The following TMEM163 variants were observed in gnomAD, a reference collection of about 807,000 sequenced individuals.
The protein encoded by TMEM163 is transmembrane protein 163.
A neutral mutation model predicts 29.3 loss-of-function variants in TMEM163; 17 were observed. The observed-to-expected ratio is 0.58, with a 90% CI of 0.40 to 0.87. The LOEUF is 0.87. Among genes scored for constraint, TMEM163 ranks in the 40% least tolerant of loss-of-function variants. The probability of loss-of-function intolerance (pLI) is 0.00; values close to 1 mark genes in which losing one functional copy is unlikely to be tolerated. For missense variants in TMEM163, 303 were observed against 381.5 expected (o/e 0.79, Z 1.71); for synonymous variants, 157 against 160.6 (o/e 0.98, Z 0.17).
chr2:134,519,244 C>T (rs1680141186), intron 4 of TMEM163, among the ~76,000 whole-genome samples: 1 of 152,228 alleles, frequency 6.6e-6, no homozygotes, highest in African/African-American at 2.4e-5. Context: ...TTCCCTCCTT[C>T]AAATCACTAC....
At chr2:134,478,562 A>G (rs1686971756) in intron 5 of TMEM163, among the ~76,000 whole-genome samples, 1 of 152,324 alleles carries the variant, frequency 6.6e-6, no homozygotes, top group African/African-American at 2.4e-5. Flanking sequence ...CTTAAGAGTG[A>G]TGACTTAAGG....
chr2:134,576,096 T>C (rs1681548802), intron 2 of TMEM163, among the ~76,000 whole-genome samples: 1 of 152,118 alleles, frequency 6.6e-6, no homozygotes, highest in Non-Finnish European at 1.5e-5. Context: ...GCCACAGACG[T>C]GTCCAAGAAT....
intron 6 of TMEM163, among the ~76,000 whole-genome samples, chr2:134,463,823 T>G (rs1037935223): frequency 1.3e-5 from 2 of 152,142 alleles, no homozygotes; most frequent in Admixed American, 6.5e-5. Flanking sequence ...ACCCCGCTGA[T>G]CCGGTGTTAC....
Position 134,456,507 on chromosome 2 carries a change from C to T in TMEM163, c.*209G>A. 1 of 605,104 alleles carries T rather than the reference C, an allele frequency of 1.7e-6. No homozygotes were observed. The highest frequency in any genetic ancestry group is 3.0e-6 in the Non-Finnish European group (1 of 338,008). 37.5% of individuals were successfully genotyped at this position (605,104 alleles called of 1,614,324 possible). Reference sequence around the variant, plus strand: ...CTGGAGACGGGGAAGGAGGTCCATTCCTATGGGCATTGTCCCAACATGTTT... The same window carrying T: ...CTGGAGACGGGGAAGGAGGTCCATTTCTATGGGCATTGTCCCAACATGTTT... On this transcript the variant is annotated 3_prime_UTR_variant, in exon 8 of 8. Transcript: ENST00000281924.
chr2:134,714,234 C>A (rs1684990705), intron 1 of TMEM163, among the ~76,000 whole-genome samples: 1 of 152,198 alleles, frequency 6.6e-6, no homozygotes, highest in Non-Finnish European at 1.5e-5. Flanking sequence ...TAGTTGCACA[C>A]AGTACCACAT....
At chr2:134,712,331 G>A (rs10177257) in intron 2 of TMEM163, among the ~76,000 whole-genome samples, 4,434 of 152,266 alleles carry the variant, frequency 0.029, 81 homozygotes, top group African/African-American at 0.045. Context: ...TTGTCTTCTA[G>A]CAGACATGTG....
At chr2:134,684,407 T>C (rs1487965287) in intron 2 of TMEM163, among the ~76,000 whole-genome samples, 1 of 152,164 alleles carries the variant, frequency 6.6e-6, no homozygotes, top group East Asian at 1.9e-4. Flanking sequence ...TTAATAATTC[T>C]GCGAGCATGA....
intron 5 of TMEM163, among the ~76,000 whole-genome samples, chr2:134,478,093 C>T (rs184954215): frequency 1.2e-3 from 181 of 152,292 alleles, no homozygotes; most frequent in African/African-American, 4.0e-3. Context: ...CTGCTCTCAC[C>T]GTGTGATTCC....
chr2:134,548,045 G>T (rs1033799187), intron 4 of TMEM163, among the ~76,000 whole-genome samples: 18 of 152,100 alleles, frequency 1.2e-4, no homozygotes, highest in African/African-American at 3.4e-4. Context: ...AATGAAATTG[G>T]AAAACCCTGA....
intron 1 of TMEM163, among the ~76,000 whole-genome samples, 181 bp downstream of exon 1, chr2:134,718,553 T>C (rs1685088811): frequency 6.6e-6 from 1 of 152,038 alleles, no homozygotes; most frequent in Non-Finnish European, 1.5e-5. Context: ...GCCGAGGCGG[T>C]GCCGGCCGCA....
chr2:134,458,489 G>A (rs942613526), intron 6 of TMEM163: 2 of 331,802 alleles, frequency 6.0e-6, no homozygotes, highest in Non-Finnish European at 1.2e-5. Flanking sequence ...AGGCAGGGGT[G>A]TGGTTTTCTG....
chr2:134,662,215 G>A (rs918996049), intron 2 of TMEM163, among the ~76,000 whole-genome samples: 3 of 152,096 alleles, frequency 2.0e-5, no homozygotes, highest in Non-Finnish European at 2.9e-5. Flanking sequence ...GATTACAGGC[G>A]TGAGCCACTG....
chr2:134,533,138 T>C (rs937947720), intron 4 of TMEM163, among the ~76,000 whole-genome samples: 3 of 152,100 alleles, frequency 2.0e-5, no homozygotes, highest in South Asian at 2.1e-4. Flanking sequence ...CATCACAACA[T>C]AAAAGAGCAA....
At chr2:134,713,179 G>T (rs190323398) in intron 2 of TMEM163, 21 bp downstream of exon 2, 3 of 1,609,880 alleles carry the variant, frequency 1.9e-6, no homozygotes, top group African/African-American at 1.3e-5. Context: ...CATATTGGCC[G>T]ACGAGACCCT....
intron 2 of TMEM163, among the ~76,000 whole-genome samples, chr2:134,559,611 C>A (rs997426199): frequency 6.6e-6 from 1 of 152,088 alleles, no homozygotes; most frequent in African/African-American, 2.4e-5. Flanking sequence ...CTCAGGCAAA[C>A]CCTTGCCAAG....
rs947091437 is a variant in TMEM163 at position 134,460,082 on chromosome 2, C to T, written c.668-1909G>A. Among the ~76,000 whole-genome samples, 35 of 148,774 alleles carry T rather than the reference C, an allele frequency of 2.4e-4. No homozygotes were observed. The highest frequency in any genetic ancestry group is 8.6e-4 in the African/African-American group (35 of 40,588). Reference sequence around the variant, plus strand: ...AGCCCCTTGCCAGATGTTACCCCCCCCCAAATTCATTCTCACTCTCCCCGC... The same window carrying T: ...AGCCCCTTGCCAGATGTTACCCCCCTCCAAATTCATTCTCACTCTCCCCGC... On this transcript the variant is annotated intron_variant, in intron 6 of 7. Transcript: ENST00000281924. This position sits in a 1 kb window ranked among gnomAD's most constrained non-coding sequence, Gnocchi z 4.3.
intron 2 of TMEM163, among the ~76,000 whole-genome samples, chr2:134,588,959 G>C (rs1468409164): frequency 1.3e-5 from 2 of 152,104 alleles, no homozygotes; most frequent in Non-Finnish European, 2.9e-5. Flanking sequence ...GGAAATGGGG[G>C]ACATTTCACA....
intron 1 of TMEM163, chr2:134,713,732 C>T (rs1448451403): frequency 2.2e-6 from 1 of 456,358 alleles, no homozygotes; most frequent in Admixed American, 2.3e-5. Context: ...GGCCTTCAGG[C>T]TCCTCAGCTG....
intron 2 of TMEM163, among the ~76,000 whole-genome samples, chr2:134,662,171 G>A (rs1000402025): frequency 6.6e-5 from 10 of 151,920 alleles, no homozygotes; most frequent in African/African-American, 2.2e-4. Flanking sequence ...TCCTGACCTC[G>A]TGATCCGCCC....
Sources: allele counts gnomAD v4.1 joint callset (sites outside exome capture counted in the v4.1 genomes callset), GRCh38; gene constraint gnomAD v4.1.1; non-coding constraint Gnocchi (gnomAD v3.1); transcripts MANE v1.5; gene names NCBI Gene and HGNC (gene_info 2026-07-23, HGNC 2026-07-21).